The following KLHL24 variants were observed in gnomAD, a reference collection of about 807,000 sequenced individuals.
KLHL24 encodes the protein kelch-like protein 24.
A neutral mutation model predicts 53.4 loss-of-function variants in KLHL24; 29 were observed. That is an observed-to-expected ratio of 0.54 (90% confidence interval 0.40 to 0.74). The LOEUF is 0.74. Ranked by LOEUF, KLHL24 falls within the 30% of genes least tolerant of loss-of-function variation. The probability of loss-of-function intolerance (pLI) is 0.00; values close to 1 mark genes in which losing one functional copy is unlikely to be tolerated. For synonymous variants in KLHL24, 222 were observed against 253.7 expected (o/e 0.88, Z 1.19); for missense variants, 504 against 744.0 (o/e 0.68, Z 3.75).
At chr3:183,674,144 T>C (rs1721742494) in intron 7 of KLHL24, among the ~76,000 whole-genome samples, 1 of 152,204 alleles carries the variant, frequency 6.6e-6, no homozygotes, top group African/African-American at 2.4e-5. Context: ...GTTTCTATTT[T>C]TGTTCAAGTT....
chr3:183,648,004 T>C (rs577434581), intron 2 of KLHL24, among the ~76,000 whole-genome samples: 96 of 152,272 alleles, frequency 6.3e-4, no homozygotes, highest in African/African-American at 2.2e-3. Flanking sequence ...GGAGACCCTG[T>C]CTCAAAAAAG....
At chr3:183,637,367 C>G (rs1430090422) in intron 1 of KLHL24, among the ~76,000 whole-genome samples, 1 of 152,170 alleles carries the variant, frequency 6.6e-6, no homozygotes, top group East Asian at 1.9e-4. Context: ...TTCTTCCATA[C>G]TCGGCTCGGA....
rs181854416 is a variant in KLHL24 at position 183,647,572 on chromosome 3, G to A, written c.-61-2724G>A. Among the ~76,000 whole-genome samples the A allele has an allele frequency of 2.5e-3, 382 of 152,120 alleles. 4 individuals carry two copies. Among genetic ancestry groups the A allele is most frequent in the Non-Finnish European group, 3.9e-3 (264 of 68,012 alleles). On this transcript the variant is annotated intron_variant, in intron 2 of 7. Coordinates refer to ENST00000242810, the MANE Select transcript of KLHL24 (RefSeq NM_017644.3). The stretch of plus-strand genomic sequence containing the variant: ...CTAAAATACAAAAAATTATCCAGGC[G>A]TGCTGGCGCGTGCCTGTAGTCCCAG...
chr3:183,670,917 A>C, intron 5 of KLHL24, 117 bp from the exon 6 acceptor site: 2 of 695,262 alleles, frequency 2.9e-6, no homozygotes, highest in South Asian at 4.0e-5. Context: ...AATATATTGC[A>C]ATTATATTTA....
intron 1 of KLHL24, among the ~76,000 whole-genome samples, chr3:183,639,741 C>G (rs185641885): frequency 6.6e-5 from 10 of 151,946 alleles, no homozygotes; most frequent in Non-Finnish European, 1.0e-4. Context: ...CGTGGTGACT[C>G]ACGCTTGTAA....
intron 3 of KLHL24, among the ~76,000 whole-genome samples, chr3:183,659,366 G>A (rs1050472087): frequency 5.3e-5 from 8 of 152,044 alleles, no homozygotes; most frequent in Non-Finnish European, 1.0e-4. Context: ...GTGAAACCCC[G>A]TCTCTATTAA....
rs1194481455 is a variant in KLHL24 at position 183,672,483 on chromosome 3, A to G, written c.1601A>G (p.Gln534Arg). 1.2e-5 allele frequency: 19 copies of G among 1,599,118 alleles called. No homozygotes were observed. Among genetic ancestry groups the G allele is most frequent in the Non-Finnish European group, 1.6e-5 (19 of 1,171,072 alleles). The change falls in exon 7 of 8, where the codon CAG (glutamine) becomes CGG (arginine). Residue 534 changes from glutamine (Q) to arginine (R), a missense_variant and splice_region_variant. By Grantham distance (43) the Gln-to-Arg change is conservative. Transcript: ENST00000242810. ...CACGTACAGAATACATTCAGCCGTC[A>G]GGTAATAACATAAAGCAGTACAAAA... is the stretch of plus-strand genomic sequence containing the variant. ...WMHVQNTFSR[Q>R]ENCGMSVCNG...
In KLHL24 at chr3:183,663,332, C is replaced by T. The variant is rs1027354642; in HGVS notation, c.921-126C>T. ...CAGGCTGTACCGTTTGGCACATGCA[C>T]AGAGAAGAAACTTAACTGTTTATAA... On this transcript the variant is annotated intron_variant, in intron 3 of 7. Transcript: ENST00000242810. The surrounding 1 kb of genome is among the most constrained non-coding windows in gnomAD (Gnocchi z 4.9). The T allele has an allele frequency of 4.6e-6, 2 of 439,210 alleles. No homozygotes were observed. The highest frequency in any genetic ancestry group is 7.7e-6 in the Non-Finnish European group (2 of 260,338). The allele number at this position is 439,210 out of a possible 1,614,324, so 27.2% of individuals were successfully genotyped here.
At position 183,665,051 on chromosome 3, in the gene KLHL24, C is replaced by G; in HGVS notation, c.1224+12C>G. ...TCCTCCTTGGTAAAGTAAGAGAAAC[C>G]ACTTTTTATTACTATTGCTGGTACC... On this transcript the variant is annotated intron_variant, in intron 5 of 7. Coordinates refer to ENST00000242810, the MANE Select transcript of KLHL24 (RefSeq NM_017644.3). 7.4e-7 allele frequency: 1 copy of G among 1,352,836 alleles called. No individual in the cohort carries two copies. The highest frequency in any genetic ancestry group is 1.1e-6 in the Non-Finnish European group (1 of 945,034). The allele number at this position is 1,352,836 out of a possible 1,614,324, so 83.8% of individuals were successfully genotyped here.
chr3:183,675,724 A>T (rs1466319161), intron 7 of KLHL24, among the ~76,000 whole-genome samples: 1 of 152,050 alleles, frequency 6.6e-6, no homozygotes, highest in Non-Finnish European at 1.5e-5. Flanking sequence ...CCTGAGGCCA[A>T]GAGTTAGGGA....
chr3:183,644,489 A>G (rs1423150325), intron 2 of KLHL24, among the ~76,000 whole-genome samples: 2 of 152,194 alleles, frequency 1.3e-5, no homozygotes, highest in African/African-American at 2.4e-5. Context: ...GATCTATGAG[A>G]TAGTCTCTCT....
At chr3:183,665,775 A>G (rs943100673) in intron 5 of KLHL24, among the ~76,000 whole-genome samples, 3 of 152,066 alleles carry the variant, frequency 2.0e-5, no homozygotes, top group South Asian at 2.1e-4. Flanking sequence ...AAATAAAAAA[A>G]CTCACATTTT....
At chr3:183,671,320 G>T in intron 6 of KLHL24, 98 bp downstream of exon 6, 2 of 1,054,590 alleles carry the variant, frequency 1.9e-6, no homozygotes, top group Non-Finnish European at 2.7e-6. Context: ...TAGTGTGAGG[G>T]GTCTTTTAAA....
At chr3:183,652,899 A>G (rs1431000025) in intron 3 of KLHL24, among the ~76,000 whole-genome samples, 5 of 152,180 alleles carry the variant, frequency 3.3e-5, no homozygotes, top group Non-Finnish European at 7.3e-5. Context: ...CTCAGCCTGC[A>G]TATCTCATAG....
chr3:183,654,679 A>T (rs886956673), intron 3 of KLHL24, among the ~76,000 whole-genome samples: 1 of 152,154 alleles, frequency 6.6e-6, no homozygotes, highest in Non-Finnish European at 1.5e-5. Context: ...CCAAGCTAGG[A>T]TTAGTCATTA....
In KLHL24 at chr3:183,651,084, T is replaced by C; in HGVS notation, c.728T>C (p.Leu243Pro). Residue 243 changes from leucine to proline, a missense_variant, in exon 3 of 8, where the codon CTG (leucine) becomes CCG (proline). Physicochemically the swap from Leu to Pro is moderately conservative, Grantham distance 98. Transcript: ENST00000242810. The stretch of plus-strand genomic sequence containing the variant: ...CGTTGGGTCTATCGTGCCGTTGATC[T>C]GAGAAGACCACTGTTACACGAGCTC... ...VMRWVYRAVD[L>P]RRPLLHELLT... The C allele has an allele frequency of 6.2e-7, 1 of 1,614,202 alleles. No homozygotes were observed. The highest frequency in any genetic ancestry group is 1.1e-5 in the South Asian group (1 of 91,084).
chr3:183,667,483 A>G (rs986616609), intron 5 of KLHL24, among the ~76,000 whole-genome samples: 5 of 152,094 alleles, frequency 3.3e-5, no homozygotes, highest in African/African-American at 1.2e-4. Context: ...TTAGGTTCTC[A>G]TAGGAGCATG....
rs1721296448 is a variant in KLHL24 at position 183,671,311 on chromosome 3, A to G, written c.1413+89A>G. Reference sequence around the variant, plus strand: ...TATCAAGTAGGTAGCCAGGTCACATAGTGTGAGGGGTCTTTTAAAAATTTT... The same window carrying G: ...TATCAAGTAGGTAGCCAGGTCACATGGTGTGAGGGGTCTTTTAAAAATTTT... On this transcript the variant is annotated intron_variant, in intron 6 of 7. Transcript: ENST00000242810. 3 of 1,148,502 alleles carry G rather than the reference A, an allele frequency of 2.6e-6. No homozygotes were observed. In the South Asian group the frequency reaches 4.9e-5, roughly 19 times the overall value. 71.1% of individuals were successfully genotyped at this position (1,148,502 alleles called of 1,614,324 possible).
chr3:183,673,686 A>T (rs1038056539), intron 7 of KLHL24, among the ~76,000 whole-genome samples: 2 of 151,572 alleles, frequency 1.3e-5, no homozygotes, highest in Non-Finnish European at 2.9e-5. Context: ...TGATGCTGAA[A>T]ATCTGGCTCT....
Sources: allele counts gnomAD v4.1 joint callset (sites outside exome capture counted in the v4.1 genomes callset), GRCh38; gene constraint gnomAD v4.1.1; non-coding constraint Gnocchi (gnomAD v3.1); transcripts MANE v1.5; gene names NCBI Gene and HGNC (gene_info 2026-07-23, HGNC 2026-07-21).